The following DNAH2 variants were observed in gnomAD, a reference collection of about 807,000 sequenced individuals.
DNAH2 encodes dynein axonemal heavy chain 2.
Under a neutral mutation model 523.5 loss-of-function variants are expected in DNAH2, and 323 were observed. The ratio of observed to expected loss-of-function variants is 0.62; its 90% confidence interval spans 0.56 to 0.68. The LOEUF is 0.68. DNAH2 is among the 30% of genes least tolerant of loss of function. DNAH2 has a pLI of 0.00. For missense variants in DNAH2, 4,907 were observed against 5,701.5 expected (o/e 0.86, Z 4.49); for synonymous variants, 2,093 against 2,177.4 (o/e 0.96, Z 1.08).
chr17:7,752,000 C>T (rs375638955), intron 12 of DNAH2, among the ~76,000 whole-genome samples: 1 of 147,076 alleles, frequency 6.8e-6, no homozygotes, highest in East Asian at 2.2e-4. Context: ...TGCAGTGACA[C>T]GATCTCAGCT....
At chr17:7,744,252 C>T (rs1178488120) in intron 12 of DNAH2, among the ~76,000 whole-genome samples, 2 of 148,668 alleles carry the variant, frequency 1.3e-5, no homozygotes, top group Admixed American at 6.7e-5. Context: ...CGAGATCACG[C>T]CATTGCACTC....
intron 63 of DNAH2, among the ~76,000 whole-genome samples, chr17:7,810,396 G>A (rs952714767): frequency 2.6e-5 from 4 of 151,654 alleles, no homozygotes; most frequent in African/African-American, 9.7e-5. Context: ...GTTTTGTTTC[G>A]TTTTGTTTTT....
At chr17:7,804,891 C>T in intron 59 of DNAH2, 67 bp from the exon 60 acceptor site, 1 of 1,354,496 alleles carries the variant, frequency 7.4e-7, no homozygotes, top group Non-Finnish European at 1.0e-6. Flanking sequence ...TCTTTTCCAC[C>T]AACACCGTCA....
chr17:7,783,368 C>T (rs574233271), intron 39 of DNAH2, among the ~76,000 whole-genome samples: 7 of 152,234 alleles, frequency 4.6e-5, no homozygotes, highest in East Asian at 1.9e-4. Context: ...TGAGCCACTG[C>T]GCCGGGCCAG....
In DNAH2 at chr17:7,770,937, A is replaced by C. The variant is rs150357778; in HGVS notation, c.4362+4A>C. The C allele has an allele frequency of 4.6e-5, 74 of 1,612,772 alleles. No individual in the cohort carries two copies. The African/African-American group carries it at 8.4e-4, about 18-fold the overall frequency. ...GCGTCAGTGGATGTACTTAGAGGTC[A>C]GGACTCAGCGCCTGAGCTCTTCCTG... On this transcript the variant is annotated splice_donor_region_variant and intron_variant, in intron 27 of 85. Transcript: ENST00000572933.
chr17:7,737,274 G>T lies in DNAH2; in HGVS notation c.1170+16G>T. On this transcript the variant is annotated intron_variant, in intron 8 of 85. Transcript: ENST00000572933. ...CTTCCGAAAGGTGTGCATATGCTGA[G>T]GGTGGGATGGAGGGGTTTATGAGGG... is the stretch of plus-strand genomic sequence containing the variant. The T allele has an allele frequency of 6.2e-7, 1 of 1,609,536 alleles. No individual in the cohort carries two copies.
chr17:7,817,861 G>A lies in DNAH2; in HGVS notation c.10236+5G>A. On this transcript the variant is annotated splice_donor_5th_base_variant and intron_variant, in intron 67 of 85. Coordinates refer to ENST00000572933, the MANE Select transcript of DNAH2 (RefSeq NM_020877.5). ...AAGAACATGGAAGGAGGCCAGGTGT[G>A]AGGCTGGGGGGTCAGGTTAGCCCCC... 6.2e-7 allele frequency: 1 copy of A among 1,612,694 alleles called. No homozygotes were observed. Among genetic ancestry groups the A allele is most frequent in the Non-Finnish European group, 8.5e-7 (1 of 1,179,650 alleles).
At chr17:7,755,646 C>T (rs184626474) in intron 12 of DNAH2, among the ~76,000 whole-genome samples, 120 of 152,074 alleles carry the variant, frequency 7.9e-4, no homozygotes, top group Non-Finnish European at 1.3e-3. Flanking sequence ...AGCAGGAGGT[C>T]TGAGTGGGTT....
intron 4 of DNAH2, among the ~76,000 whole-genome samples, chr17:7,727,718 T>C (rs952961840): frequency 1.5e-5 from 2 of 132,852 alleles, no homozygotes; most frequent in Admixed American, 8.9e-5. Flanking sequence ...ATCATGCCAC[T>C]GCACTCCAGC....
chr17:7,763,714 C>A, intron 18 of DNAH2, 117 bp from the exon 19 acceptor site: 1 of 1,237,056 alleles, frequency 8.1e-7, no homozygotes, highest in Non-Finnish European at 1.2e-6. Flanking sequence ...TAGAAGAACA[C>A]TCTAGAACTG....
In DNAH2 at chr17:7,792,278, C is replaced by T; in HGVS notation, c.7080C>T (p.Asp2360=). The change falls in exon 46 of 86, where the codon GAC becomes GAT. Residue 2360 remains aspartate (D), a synonymous_variant. Coordinates refer to ENST00000572933, the MANE Select transcript of DNAH2 (RefSeq NM_020877.5). The part of the protein sequence containing the change: ...NKDTVYEYFV[D]PKIRSWTSFE... ...ACACGGTATATGAGTATTTTGTGGA[C>T]CCCAAAATACGGAGTTGGACATCAT... The T allele has an allele frequency of 6.2e-7, 1 of 1,613,980 alleles. No homozygotes were observed. The highest frequency in any genetic ancestry group is 1.3e-5 in the African/African-American group (1 of 74,960).
At position 7,831,703 on chromosome 17, in the gene DNAH2, C is replaced by T. The variant is rs555487326; in HGVS notation, c.12654C>T (p.Ile4218=). 1.4e-5 allele frequency: 22 copies of T among 1,614,150 alleles called. No homozygotes were observed. The South Asian group carries it at 2.2e-4, about 16-fold the overall frequency. Reference sequence around the variant, plus strand: ...TAGAGAAAGGCATCCAGGGTCTCATCGTCATGTCTACAAGCCTGGAAGAGA... The same window carrying T: ...TAGAGAAAGGCATCCAGGGTCTCATTGTCATGTCTACAAGCCTGGAAGAGA... ...TDLEKGIQGL[I]VMSTSLEEIF... Residue 4218 remains isoleucine, a synonymous_variant, in exon 82 of 86, where the codon ATC becomes ATT. Coordinates refer to ENST00000572933, the MANE Select transcript of DNAH2 (RefSeq NM_020877.5). This position sits in a 1 kb window ranked among gnomAD's most constrained non-coding sequence, Gnocchi z 4.2.
chr17:7,787,023 T>C lies in DNAH2; in HGVS notation c.6593T>C (p.Met2198Thr). The C allele has an allele frequency of 6.2e-7, 1 of 1,614,112 alleles. No homozygotes were observed. Residue 2198 changes from methionine to threonine, a missense_variant, in exon 42 of 86, where the codon ATG (methionine) becomes ACG (threonine). By Grantham distance (81) the Met-to-Thr change is moderately conservative. Coordinates refer to ENST00000572933, the MANE Select transcript of DNAH2 (RefSeq NM_020877.5). ...LTLINGERIA[M>T]PEQVSLLFEV... ...CTCATCAACGGCGAGCGCATCGCGATGCCCGAGCAGGTCAGGGACGCGGCT... is the reference window on the plus strand; with the variant it reads ...CTCATCAACGGCGAGCGCATCGCGACGCCCGAGCAGGTCAGGGACGCGGCT...
intron 85 of DNAH2, 31 bp from the exon 86 acceptor site, chr17:7,833,347 AG>A (rs1567776733): frequency 1.2e-6 from 2 of 1,611,870 alleles, no homozygotes; most frequent in Admixed American, 3.3e-5. Flanking sequence ...CGGAGGCTCC[AG>A]GGGTCTGACT....
At position 7,759,054 on chromosome 17, in the gene DNAH2, T is replaced by A; in HGVS notation, c.2378T>A (p.Met793Lys). Reference sequence around the variant, plus strand: ...CGGGCAGCTGTACAGCAGAAATTGATGAACCTGCACCAGGATGTGGTGACC... The same window carrying A: ...CGGGCAGCTGTACAGCAGAAATTGAAGAACCTGCACCAGGATGTGGTGACC... ...EHRAAVQQKLMNLHQDVVTIM... is the reference protein window; with the variant it reads ...EHRAAVQQKLKNLHQDVVTIM... The change falls in exon 15 of 86, where the codon ATG becomes AAG. Residue 793 changes from methionine to lysine, a missense_variant. Physicochemically the swap from Met to Lys is moderately conservative, Grantham distance 95. Around this residue, in one of 3 missense-constraint regions of DNAH2, gnomAD observed 2,806 missense variants for 3,190.8 expected, o/e 0.88. Transcript: ENST00000572933. 1 of 1,614,176 alleles carries A rather than the reference T, an allele frequency of 6.2e-7. No homozygotes were observed. Among genetic ancestry groups the A allele is most frequent in the Non-Finnish European group, 8.5e-7 (1 of 1,180,036 alleles).
At chr17:7,724,386 G>A (rs143246141) in intron 3 of DNAH2, among the ~76,000 whole-genome samples, 1,583 of 152,188 alleles carry the variant, frequency 0.01, 29 homozygotes, top group African/African-American at 0.036. Flanking sequence ...TTAGGATGCC[G>A]AGGTGGGTGG....
At chr17:7,769,370 C>T (rs994591588) in intron 24 of DNAH2, among the ~76,000 whole-genome samples, 1 of 152,150 alleles carries the variant, frequency 6.6e-6, no homozygotes, top group Non-Finnish European at 1.5e-5. Flanking sequence ...CCATGTTGCC[C>T]AAGATGGTCT....
intron 5 of DNAH2, among the ~76,000 whole-genome samples, 160 bp downstream of exon 5, chr17:7,733,475 C>CTTTTTTTTTTTTT (rs1199721840): frequency 1.2e-4 from 14 of 113,866 alleles, no homozygotes; most frequent in Non-Finnish European, 1.7e-4. Context: ...CCTTCTTCTT[C>CTTTTTTTTTTTTT]TTTTTTTTTT....
intron 73 of DNAH2, 95 bp from the exon 74 acceptor site, chr17:7,823,347 C>G (rs199559796): frequency 9.1e-5 from 72 of 789,952 alleles, no homozygotes; most frequent in Admixed American, 6.8e-4. Context: ...GAGAAAAATA[C>G]AGAGAGAGAG....
Sources: gnomAD v4.1 joint callset for allele counts (sites outside exome capture counted in the v4.1 genomes callset) on GRCh38, gnomAD v4.1.1 for gene constraint, gnomAD v4.1.1 regional missense constraint, Gnocchi (gnomAD v3.1) non-coding constraint, MANE v1.5 for transcripts, NCBI Gene and HGNC (gene_info 2026-07-23, HGNC 2026-07-21) for gene names.